Variants in GRIK4 observed in about 807,000 individuals in gnomAD.
GRIK4 encodes glutamate receptor ionotropic, kainate 4.
In GRIK4, 40 loss-of-function variants were observed where a neutral mutation model predicts 104.9. The observed-to-expected ratio is 0.38, with a 90% confidence interval of 0.30 to 0.50. The LOEUF (loss-of-function observed/expected upper bound fraction) is 0.50, where lower values mean the gene tolerates loss of function less well. Among genes scored for constraint, GRIK4 ranks in the 20% least tolerant of loss-of-function variants. The pLI, the probability that GRIK4 is intolerant of heterozygous loss-of-function variation, is 0.93. For missense variants in GRIK4, 1,047 were observed against 1,308.1 expected, an observed-to-expected ratio of 0.80 and a Z score of 3.08; for synonymous variants, 485 against 524.9, an observed-to-expected ratio of 0.92 and a Z score of 1.04.
chr11:120,618,624 C>T (rs1243888930), intron 1 of GRIK4, among the ~76,000 whole-genome samples: 2 of 152,218 alleles, frequency 1.3e-5, no homozygotes, highest in Non-Finnish European at 2.9e-5. Context: ...AGGCCCAGGG[C>T]CCTGCTGCCT....
chr11:120,596,578 G>A (rs76990085), intron 1 of GRIK4, among the ~76,000 whole-genome samples: 3 of 152,152 alleles, frequency 2.0e-5, no homozygotes, highest in East Asian at 1.9e-4. Flanking sequence ...ATGTGTCTAC[G>A]TTGAAGTCTA....
intron 1 of GRIK4, among the ~76,000 whole-genome samples, chr11:120,517,649 T>TGCGCTGTGCCTG (rs1472062134): frequency 6.6e-6 from 1 of 151,940 alleles, no homozygotes. Context: ...AGCTGGGAAA[T>TGCGCTGTGCCTG]AGAAGGCCGG....
At chr11:120,614,848 A>G (rs896594936) in intron 1 of GRIK4, among the ~76,000 whole-genome samples, 4 of 151,984 alleles carry the variant, frequency 2.6e-5, no homozygotes, top group Non-Finnish European at 4.4e-5. Flanking sequence ...CAATACAAAA[A>G]ATTATCCGGG....
At position 120,832,019 on chromosome 11, in the gene GRIK4, A is replaced by G. The variant is rs1953443098; in HGVS notation, c.679A>G (p.Ile227Val). 1.2e-6 allele frequency: 2 copies of G among 1,609,010 alleles called. No homozygotes were observed. The highest frequency in any genetic ancestry group is 1.7e-5 in the Admixed American group (1 of 59,874). Residue 227 changes from isoleucine to valine, a missense_variant, in exon 7 of 21, where the codon ATC (isoleucine) becomes GTC (valine). Ile to Val is a conservative substitution (Grantham distance 29, BLOSUM62 3). This residue lies in a region of GRIK4 where 447 missense variants were observed against 514.9 expected (regional missense o/e 0.87). Coordinates refer to ENST00000527524, the MANE Select transcript of GRIK4 (RefSeq NM_014619.5). ...IHANASMSHT[I>V]LLKAAELGMV... ...CGCCAACGCCTCCATGTCCCACACC[A>G]TCCTCCTGAAGGTGGGAGCCTCCCT... is the stretch of plus-strand genomic sequence containing the variant.
At chr11:120,643,343 G>A (rs1251022227) in intron 1 of GRIK4, among the ~76,000 whole-genome samples, 1 of 152,218 alleles carries the variant, frequency 6.6e-6, no homozygotes, top group Non-Finnish European at 1.5e-5. Context: ...TTGGAGGAAC[G>A]TGTTCTAGGT....
intron 13 of GRIK4, among the ~76,000 whole-genome samples, chr11:120,921,889 C>T (rs1430992456): frequency 6.6e-6 from 1 of 152,194 alleles, no homozygotes; most frequent in Non-Finnish European, 1.5e-5. Flanking sequence ...AACACCCACA[C>T]ATCTATGGTC....
chr11:120,722,636 G>A (rs753745772), intron 3 of GRIK4, among the ~76,000 whole-genome samples: 18 of 152,082 alleles, frequency 1.2e-4, no homozygotes, highest in Non-Finnish European at 2.2e-4. Context: ...AGATTTTGGG[G>A]CTTTTCCAAA....
chr11:120,617,335 G>T (rs531909313), intron 1 of GRIK4, among the ~76,000 whole-genome samples: 2 of 152,246 alleles, frequency 1.3e-5, no homozygotes, highest in Middle Eastern at 3.4e-3. Flanking sequence ...AATAGTTCAT[G>T]ACTGGGAAAA....
chr11:120,926,354 AT>A (rs1249288023), intron 13 of GRIK4, among the ~76,000 whole-genome samples: 2 of 152,240 alleles, frequency 1.3e-5, no homozygotes, highest in Admixed American at 1.3e-4. Context: ...ATTGAAGTGA[AT>A]CCTTTAAGTT....
At chr11:120,941,835 C>T (rs561733880) in intron 14 of GRIK4, among the ~76,000 whole-genome samples, 19 of 152,200 alleles carry the variant, frequency 1.2e-4, no homozygotes, top group Admixed American at 1.1e-3. Context: ...CTCGATGTGG[C>T]CTTCCAGCCT....
intron 19 of GRIK4, among the ~76,000 whole-genome samples, chr11:120,968,246 A>G (rs1002375402): frequency 2.6e-5 from 4 of 152,174 alleles, no homozygotes; most frequent in African/African-American, 4.8e-5. Flanking sequence ...TTTGCCCAGG[A>G]TGGTATAGTC....
Position 120,695,416 on chromosome 11 carries a change from C to G in GRIK4, c.82+35016C>G, listed in dbSNP as rs531109948. On this transcript the variant is annotated intron_variant, in intron 3 of 20. Coordinates refer to ENST00000527524, the MANE Select transcript of GRIK4 (RefSeq NM_014619.5). ...GCTCGCCAAGGGATTGCTTCGAAGACACACATTTCATGCAGGCCCCTGTGA... is the reference window on the plus strand; with the variant it reads ...GCTCGCCAAGGGATTGCTTCGAAGAGACACATTTCATGCAGGCCCCTGTGA... 4.3e-4 allele frequency among the ~76,000 whole-genome samples: 66 copies of G among 152,358 alleles called. 1 individual carries two copies. The highest frequency in any genetic ancestry group is 1.5e-3 in the African/African-American group (64 of 41,580).
intron 3 of GRIK4, among the ~76,000 whole-genome samples, chr11:120,729,783 A>G (rs1259482988): frequency 6.6e-6 from 1 of 151,956 alleles, no homozygotes; most frequent in South Asian, 2.1e-4. Flanking sequence ...CTTATTTGTC[A>G]ATTTTTTTCT....
At chr11:120,693,923 A>T (rs1204280381) in intron 3 of GRIK4, among the ~76,000 whole-genome samples, 1 of 152,128 alleles carries the variant, frequency 6.6e-6, no homozygotes, top group Non-Finnish European at 1.5e-5. Flanking sequence ...CAAGGGCGTC[A>T]CCTTTTCTGT....
rs561652963 is a variant in GRIK4, at chr11:120,954,973, C to T, written c.1701-1807C>T. On this transcript the variant is annotated intron_variant, in intron 15 of 20. Coordinates refer to ENST00000527524, the MANE Select transcript of GRIK4 (RefSeq NM_014619.5). ...CTGGGCAGCCAGAGCCCTGGGTCCC[C>T]AACTCCTCCTCATCCAGACCAGCTC... 2.6e-5 allele frequency among the ~76,000 whole-genome samples: 4 copies of T among 152,290 alleles called. No individual in the cohort carries two copies. In the East Asian group the frequency reaches 7.7e-4, roughly 29 times the overall value.
At chr11:120,789,763 C>T (rs1054074856) in intron 3 of GRIK4, among the ~76,000 whole-genome samples, 26 of 152,130 alleles carry the variant, frequency 1.7e-4, no homozygotes, top group African/African-American at 5.8e-4. Context: ...AGCCAGTCAC[C>T]ACACACTGGA....
chr11:120,773,034 T>C (rs1951977144), intron 3 of GRIK4, among the ~76,000 whole-genome samples: 3 of 152,250 alleles, frequency 2.0e-5, no homozygotes, highest in South Asian at 4.1e-4. Flanking sequence ...AGCAGTATTA[T>C]TGAGGATTGA....
chr11:120,562,543 G>A (rs541217092), intron 1 of GRIK4, among the ~76,000 whole-genome samples: 1 of 152,286 alleles, frequency 6.6e-6, no homozygotes, highest in South Asian at 2.1e-4. Context: ...AGGCTGGTGG[G>A]GGCTGGGGAA....
chr11:120,646,743 A>AT lies in GRIK4; in HGVS notation c.-158-6942_-158-6941insT, dbSNP rs373706714. ...GGAGTCAGACATATCCTAGAACATAAGATGGGGGATGAATTGGTAGGGCGC... is the reference window on the plus strand; with the variant it reads ...GGAGTCAGACATATCCTAGAACATAATGATGGGGGATGAATTGGTAGGGCGC... On this transcript the variant is annotated intron_variant, in intron 1 of 20. Transcript: ENST00000527524. Among the ~76,000 whole-genome samples, 361 of 152,326 alleles carry AT rather than the reference A, an allele frequency of 2.4e-3. 2 individuals carry two copies. Among genetic ancestry groups the AT allele is most frequent in the African/African-American group, 7.8e-3 (325 of 41,568 alleles).
Sources: allele counts gnomAD v4.1 joint callset (sites outside exome capture counted in the v4.1 genomes callset), GRCh38; gene constraint gnomAD v4.1.1; regional missense constraint gnomAD v4.1.1; transcripts MANE v1.5; gene names NCBI Gene and HGNC (gene_info 2026-07-23, HGNC 2026-07-21).